C3orf49: variants seen among roughly 807,000 people sequenced by gnomAD.
C3orf49 encodes the protein putative uncharacterized protein C3orf49.
Under a neutral mutation model 13.3 loss-of-function variants are expected in C3orf49, and 27 were observed. That is an observed-to-expected ratio of 2.02 (90% CI 1.49 to 2.79). The LOEUF is 2.79. Ranked by LOEUF, C3orf49 falls within the 30% of genes most tolerant of loss-of-function variation. The pLI, the probability that C3orf49 is intolerant of heterozygous loss-of-function variation, is 0.00. For synonymous variants in C3orf49, 87 were observed against 47.6 expected (o/e 1.83, Z -3.40); for missense variants, 242 against 134.2 (o/e 1.80, Z -3.97).
the C3orf49 span, among the ~76,000 whole-genome samples, chr3:63,785,214 T>G: frequency 6.6e-6 from 1 of 151,486 alleles, no homozygotes; most frequent in South Asian, 2.1e-4. Context: ...TGGGACTACA[T>G]GCGCCCGCCA....
At position 63,843,914 on chromosome 3, in the gene C3orf49, C is replaced by A. The variant is rs1184255309; in HGVS notation, c.850-1109C>A. On this transcript the variant is annotated intron_variant, in intron 5 of 6. Transcript: ENST00000295896. Reference sequence around the variant, plus strand: ...AGACTCCGTCTCAGAAAAAAAAAAACAAAACTGTGGATGTGTGTGTATATA... The same window carrying A: ...AGACTCCGTCTCAGAAAAAAAAAAAAAAAACTGTGGATGTGTGTGTATATA... Among the ~76,000 whole-genome samples, 72 of 150,190 alleles carry A rather than the reference C, an allele frequency of 4.8e-4. 1 individual carries two copies. The highest frequency in any genetic ancestry group is 3.5e-3 in the Middle Eastern group (1 of 288).
intron 5 of C3orf49, chr3:63,839,762 G>A (rs779216036): frequency 1.9e-6 from 3 of 1,613,234 alleles, no homozygotes; most frequent in Non-Finnish European, 2.5e-6. Context: ...AGACGCTTCC[G>A]TATAACTTCG....
chr3:63,781,607 G>T, the C3orf49 span, among the ~76,000 whole-genome samples: 1 of 152,136 alleles, frequency 6.6e-6, no homozygotes, highest in African/African-American at 2.4e-5. Context: ...TTGAGTTTAT[G>T]GAAGTCACAC....
chr3:63,836,175 T>C, intron 5 of C3orf49: 1 of 807,142 alleles, frequency 1.2e-6, no homozygotes, highest in Non-Finnish European at 1.9e-6. Context: ...TGGGAAAATA[T>C]AATATTGAAT....
rs185323901 is a variant in C3orf49, at chr3:63,827,660, C to G, written c.505C>G (p.Leu169Val). Residue 169 changes from leucine (L) to valine (V), a missense_variant, in exon 3 of 7, where the codon CTC becomes GTC. Physicochemically the swap from Leu to Val is conservative, Grantham distance 32 (BLOSUM62 1). Coordinates refer to ENST00000295896, the MANE Select transcript of C3orf49 (RefSeq NM_001355236.2). ...ETEEITQGNT[L>V]LRARRTTKRL... ...AGAGGAGATAACCCAGGGAAACACA[C>G]TCCTTCGGGCCAGGAGAACCACCAA... 1.4e-6 allele frequency: 1 copy of G among 703,210 alleles called. No individual in the cohort carries two copies. The highest frequency in any genetic ancestry group is 1.7e-5 in the African/African-American group (1 of 57,360). 43.6% of individuals were successfully genotyped at this position (703,210 alleles called of 1,614,324 possible). A position where few individuals can be genotyped will look rare whatever the true frequency, so the allele number is the denominator to read the frequency against.
At chr3:63,841,730 T>C (rs1701765387) in intron 5 of C3orf49, among the ~76,000 whole-genome samples, 1 of 152,226 alleles carries the variant, frequency 6.6e-6, no homozygotes, top group Admixed American at 6.5e-5. Context: ...AACATTATTA[T>C]CTGAAGAGAC....
intron 5 of C3orf49, 98 bp downstream of exon 5, chr3:63,831,942 C>G (rs1701537985): frequency 1.6e-6 from 1 of 606,164 alleles, no homozygotes; most frequent in African/African-American, 1.9e-5. Flanking sequence ...CGCCTGTAAT[C>G]TCAGCACTTT....
intron 5 of C3orf49, chr3:63,839,576 G>C (rs1701712944): frequency 3.4e-6 from 3 of 881,842 alleles, no homozygotes; most frequent in Non-Finnish European, 5.2e-6. Flanking sequence ...GTGAAAATTT[G>C]ATCTACTCAC....
chr3:63,805,861 T>C, the C3orf49 span, among the ~76,000 whole-genome samples: 2 of 152,230 alleles, frequency 1.3e-5, no homozygotes, highest in Non-Finnish European at 2.9e-5. Flanking sequence ...AACCAGTGCC[T>C]CTGCTCACAA....
intron 5 of C3orf49, among the ~76,000 whole-genome samples, chr3:63,834,628 C>A (rs551723886): frequency 4.6e-5 from 7 of 151,446 alleles, no homozygotes; most frequent in Non-Finnish European, 7.4e-5. Context: ...CCACTGCACT[C>A]CAGCCTGGGT....
At chr3:63,823,894 G>A (rs1192846291) in intron 2 of C3orf49, among the ~76,000 whole-genome samples, 2 of 151,710 alleles carry the variant, frequency 1.3e-5, no homozygotes, top group African/African-American at 4.8e-5. Context: ...TCTGCCTTCC[G>A]GGTTCAAGCA....
the C3orf49 span, among the ~76,000 whole-genome samples, chr3:63,792,236 A>C: frequency 6.6e-6 from 1 of 152,240 alleles, no homozygotes; most frequent in Non-Finnish European, 1.5e-5. Context: ...TGCCCCAAAA[A>C]TATTTGTTAA....
chr3:63,783,525 TACACACACAC>T, the C3orf49 span, among the ~76,000 whole-genome samples: 145 of 132,022 alleles, frequency 1.1e-3, no homozygotes, highest in Middle Eastern at 3.7e-3. Flanking sequence ...TACTAAAAAT[TACACACACAC>T]ACACACACAC....
chr3:63,810,760 T>G, the C3orf49 span, among the ~76,000 whole-genome samples: 1 of 152,226 alleles, frequency 6.6e-6, no homozygotes, highest in African/African-American at 2.4e-5. Flanking sequence ...AAAGGTATAT[T>G]CTGAAAAACA....
chr3:63,826,032 A>G (rs1448445578), intron 2 of C3orf49, among the ~76,000 whole-genome samples: 3 of 152,188 alleles, frequency 2.0e-5, no homozygotes, highest in African/African-American at 4.8e-5. Context: ...TCAAGTCACA[A>G]TATCAAGAGA....
At chr3:63,801,285 T>C in the C3orf49 span, among the ~76,000 whole-genome samples, 4 of 151,774 alleles carry the variant, frequency 2.6e-5, no homozygotes, top group Non-Finnish European at 5.9e-5. Flanking sequence ...GTAGAGAACA[T>C]GTAGGCATTA....
At chr3:63,811,499 A>C in the C3orf49 span, among the ~76,000 whole-genome samples, 1 of 151,768 alleles carries the variant, frequency 6.6e-6, no homozygotes, top group East Asian at 2.0e-4. Context: ...CGGAGCTTGC[A>C]GTGAGCCGAG....
the C3orf49 span, chr3:63,805,070 C>T: frequency 3.3e-5 from 5 of 152,114 alleles, no homozygotes; most frequent in Non-Finnish European, 5.9e-5. Flanking sequence ...TGAGACAGCA[C>T]AAATGGATGG....
the C3orf49 span, among the ~76,000 whole-genome samples, chr3:63,800,885 A>C: frequency 6.6e-6 from 1 of 152,118 alleles, no homozygotes; most frequent in African/African-American, 2.4e-5. Flanking sequence ...AAACTGCTGC[A>C]CAATTGTGCC....
Sources: allele counts gnomAD v4.1 joint callset (sites outside exome capture counted in the v4.1 genomes callset), GRCh38; gene constraint gnomAD v4.1.1; transcripts MANE v1.5; gene names NCBI Gene and HGNC (gene_info 2026-07-23, HGNC 2026-07-21).